Variants in KIRREL2 observed in about 807,000 individuals in gnomAD.
The protein encoded by KIRREL2 is kirre like nephrin family adhesion molecule 2, also known as kin of IRRE-like protein 2.
In KIRREL2, 56 loss-of-function variants were observed where a neutral mutation model predicts 73.4. That is an observed-to-expected ratio of 0.76 (90% CI 0.62 to 0.95). KIRREL2 has a LOEUF of 0.95. Ranked by LOEUF, KIRREL2 falls within the 40% of genes least tolerant of loss-of-function variation. KIRREL2 has a pLI of 0.00. For missense variants in KIRREL2, 896 were observed against 935.0 expected, an observed-to-expected ratio of 0.96 and a Z score of 0.54; for synonymous variants, 407 against 404.0, an observed-to-expected ratio of 1.01 and a Z score of -0.09.
upstream of KIRREL2, among the ~76,000 whole-genome samples, chr19:35,853,206 A>G (rs149986182): frequency 4.1e-4 from 63 of 152,282 alleles, no homozygotes; most frequent in African/African-American, 1.3e-3. Context: ...GAGGGAAGAT[A>G]TGCATGTGTG....
At chr19:35,857,549 C>G in intron 2 of KIRREL2, 55 bp downstream of exon 2, 4 of 1,469,184 alleles carry the variant, frequency 2.7e-6, no homozygotes, top group Non-Finnish European at 3.6e-6. Flanking sequence ...AGTTGCTGGG[C>G]TCGGCTGTAC....
chr19:35,851,755 G>T (rs199997115), upstream of KIRREL2: 179 of 1,555,866 alleles, frequency 1.2e-4, no homozygotes, highest in Non-Finnish European at 4.2e-5. Flanking sequence ...CTTGGCGCTG[G>T]GTACAAGGCT....
intron 13 of KIRREL2, among the ~76,000 whole-genome samples, chr19:35,864,103 C>T (rs921563859): frequency 6.6e-6 from 1 of 151,862 alleles, no homozygotes; most frequent in Non-Finnish European, 1.5e-5. Flanking sequence ...AGTGACCCCA[C>T]ACCCAAATGT....
upstream of KIRREL2, among the ~76,000 whole-genome samples, chr19:35,854,805 C>G (rs188207621): frequency 2.0e-5 from 3 of 152,248 alleles, no homozygotes; most frequent in African/African-American, 7.2e-5. Flanking sequence ...GTCTCACACA[C>G]ACCAGGAGCT....
chr19:35,857,212 G>T (rs1163492922), intron 1 of KIRREL2, 32 bp downstream of exon 1: 1 of 1,587,978 alleles, frequency 6.3e-7, no homozygotes, highest in Non-Finnish European at 8.6e-7. Flanking sequence ...GGAATATGGG[G>T]TGGGGGTGGG....
upstream of KIRREL2, among the ~76,000 whole-genome samples, chr19:35,852,224 C>T (rs75343898): frequency 0.028 from 4,177 of 151,854 alleles, 122 homozygotes; most frequent in East Asian, 0.13. Context: ...CCACTGCGCC[C>T]AGTCTCTTTA....
upstream of KIRREL2, among the ~76,000 whole-genome samples, chr19:35,853,096 C>T (rs370900692): frequency 8.7e-5 from 13 of 149,442 alleles, no homozygotes; most frequent in African/African-American, 3.3e-4. Context: ...CACCTGGCCT[C>T]CCTTCCTTTT....
At chr19:35,859,003 G>C in intron 4 of KIRREL2, 139 bp downstream of exon 4, 1 of 962,488 alleles carries the variant, frequency 1.0e-6, no homozygotes, top group Non-Finnish European at 1.6e-6. Flanking sequence ...TATGATGCAG[G>C]GTAAAGATTC....
intron 9 of KIRREL2, 119 bp from the exon 10 acceptor site, chr19:35,861,422 A>G: frequency 6.9e-7 from 1 of 1,447,408 alleles, no homozygotes; most frequent in Non-Finnish European, 9.4e-7. Flanking sequence ...CGGAGTTTGG[A>G]GGCGGCGTGG....
At chr19:35,861,288 C>G (rs1425142546) in intron 9 of KIRREL2, 34 bp downstream of exon 9, 3 of 1,513,380 alleles carry the variant, frequency 2.0e-6, no homozygotes, top group African/African-American at 2.8e-5. Flanking sequence ...GGACCTGGCC[C>G]GTCCTGGGAT....
rs1973676606 is a variant in KIRREL2, at chr19:35,861,386, A to G, written c.1189+132A>G. 1.4e-6 allele frequency: 2 copies of G among 1,473,418 alleles called. 1 individual carries two copies. The highest frequency in any genetic ancestry group is 1.8e-6 in the Non-Finnish European group (2 of 1,089,788). 91.3% of individuals were successfully genotyped at this position (1,473,418 alleles called of 1,614,324 possible). A position where few individuals can be genotyped will look rare whatever the true frequency, so the allele number is the denominator to read the frequency against. On this transcript the variant is annotated intron_variant, in intron 9 of 14. Transcript: ENST00000360202. ...CCAGCGGGGGCTGGAGACCGGACCT[A>G]TTGAAGGCGAGGCTTTTAGGAGAAT...
Position 35,858,454 on chromosome 19 carries a change from T to A in KIRREL2, c.258T>A (p.His86Gln). ...CAGGGAATGCAGCCAATGGCCAGCA[T>A]GACCTCCACATTAGGCCCGTGGAGC... ...WISGNAANGQ[H>Q]DLHIRPVELE... is the part of the protein sequence containing the mutation. Residue 86 changes from histidine to glutamine, a missense_variant, in exon 3 of 15, where the codon CAT becomes CAA. Transcript: ENST00000360202. 1 of 1,614,174 alleles carries A rather than the reference T, an allele frequency of 6.2e-7. No homozygotes were observed. The highest frequency in any genetic ancestry group is 1.6e-4 in the Middle Eastern group (1 of 6,062).
In KIRREL2 at chr19:35,866,434, C is replaced by G. The variant is rs530177929; in HGVS notation, c.2069C>G (p.Pro690Arg). ...GPPDLAPGTP[P>R]FPYAAFPTPS... Reference sequence around the variant, plus strand: ...CCAGATCTGGCCCCCGGGACTCCCCCCTTCCCATATGCTGCCTTCCCCACA... The same window carrying G: ...CCAGATCTGGCCCCCGGGACTCCCCGCTTCCCATATGCTGCCTTCCCCACA... The change falls in exon 15 of 15, where the codon CCC (proline) becomes CGC (arginine). Residue 690 changes from proline to arginine, a missense_variant. Coordinates refer to ENST00000360202, the MANE Select transcript of KIRREL2 (RefSeq NM_199180.4). 35 of 1,606,496 alleles carry G rather than the reference C, an allele frequency of 2.2e-5. No individual in the cohort carries two copies. Among genetic ancestry groups the G allele is most frequent in the African/African-American group, 1.3e-4 (10 of 74,732 alleles).
At position 35,864,674 on chromosome 19, in the gene KIRREL2, T is replaced by C; in HGVS notation, c.1752T>C (p.Ser584=). The change falls in exon 14 of 15, where the codon AGT becomes AGC. Residue 584 remains serine, a synonymous_variant. Transcript: ENST00000360202. The part of the protein sequence containing the change: ...DRGPIVHTDH[S]DLVLEEEGTL... ...GCCCCATTGTGCACACTGACCACAGTGATCTGGTTCTGGAGGAGGAAGGGA... is the reference window on the plus strand; with the variant it reads ...GCCCCATTGTGCACACTGACCACAGCGATCTGGTTCTGGAGGAGGAAGGGA... 6.2e-7 allele frequency: 1 copy of C among 1,612,568 alleles called. No individual in the cohort carries two copies. The highest frequency in any genetic ancestry group is 8.5e-7 in the Non-Finnish European group (1 of 1,178,700).
chr19:35,859,730 G>A (rs1017385523), intron 5 of KIRREL2, 99 bp downstream of exon 5: 4 of 1,377,898 alleles, frequency 2.9e-6, no homozygotes, highest in Non-Finnish European at 4.0e-6. Flanking sequence ...GGAAACTGGA[G>A]CCTGGACTCC....
upstream of KIRREL2, chr19:35,856,660 C>G: frequency 3.3e-6 from 1 of 305,482 alleles, no homozygotes; most frequent in South Asian, 2.8e-5. This position sits in a 1 kb window ranked among gnomAD's most constrained non-coding sequence, Gnocchi z 5.9. Flanking sequence ...CTCCTCACCC[C>G]TTGCCTGCCC....
At position 35,866,271 on chromosome 19, in the gene KIRREL2, AC is replaced by A. The variant is rs1223563969; in HGVS notation, c.1910del (p.Pro637LeufsTer94). 6.6e-7 allele frequency: 1 copy of A among 1,510,230 alleles called. No homozygotes were observed. Among genetic ancestry groups the A allele is most frequent in the East Asian group, 2.8e-5 (1 of 36,014 alleles). 93.6% of individuals were successfully genotyped at this position (1,510,230 alleles called of 1,614,324 possible). A position where few individuals can be genotyped will look rare whatever the true frequency, so the allele number is the denominator to read the frequency against. On this transcript the variant is annotated frameshift_variant, in exon 15 of 15. Transcript: ENST00000360202. LOFTEE classifies it high-confidence loss of function. ...PPPSPLGPPGTPTFYDFNPHL... is the reference protein window; with the variant it reads ...PPPSPLGPPGXPTFYDFNPHL... ...ACCCTCCCCCCTTGGGCCCCCAGGG[AC>A]CCCTACCTTCTATGACTTCAACCCA...
chr19:35,863,066 G>T, intron 13 of KIRREL2, 30 bp downstream of exon 13: 2 of 1,269,328 alleles, frequency 1.6e-6, no homozygotes, highest in Non-Finnish European at 2.3e-6. Flanking sequence ...AGACCTGACT[G>T]TGCCTCCAGA....
At chr19:35,865,785 C>T (rs754861477) in intron 14 of KIRREL2, among the ~76,000 whole-genome samples, 12 of 152,160 alleles carry the variant, frequency 7.9e-5, no homozygotes, top group Non-Finnish European at 1.6e-4. Context: ...GGACAGGGTC[C>T]AGTTCTATCC....
Sources: gnomAD v4.1 joint callset for allele counts (sites outside exome capture counted in the v4.1 genomes callset) on GRCh38, gnomAD v4.1.1 for gene constraint, Gnocchi (gnomAD v3.1) non-coding constraint, MANE v1.5 for transcripts, NCBI Gene and HGNC (gene_info 2026-07-23, HGNC 2026-07-21) for gene names.